Variants in VAC14 observed in about 807,000 individuals in gnomAD.
VAC14 encodes the protein VAC14 component of PIKFYVE complex, also known as protein VAC14 homolog.
Under a neutral mutation model 85.3 loss-of-function variants are expected in VAC14, and 47 were observed. The ratio of observed to expected loss-of-function variants is 0.55; its 90% confidence interval spans 0.44 to 0.70. The LOEUF (loss-of-function observed/expected upper bound fraction) is 0.70. VAC14 is among the 30% of genes least tolerant of loss of function. The pLI is 0.00. For synonymous variants in VAC14, 447 were observed against 430.5 expected, an observed-to-expected ratio of 1.04 and a Z score of -0.47; for missense variants, 861 against 1,004.3, an observed-to-expected ratio of 0.86 and a Z score of 1.93.
intron 1 of VAC14, among the ~76,000 whole-genome samples, chr16:70,799,194 G>A (rs1206729494): frequency 6.6e-6 from 1 of 152,184 alleles, no homozygotes; most frequent in African/African-American, 2.4e-5. Context: ...ACAAAACTAG[G>A]TGTCAAGGCA....
chr16:70,689,923 G>C, intron 18 of VAC14: 1 of 985,512 alleles, frequency 1.0e-6, no homozygotes, highest in Non-Finnish European at 1.2e-6. Flanking sequence ...CCAGGGTGTG[G>C]CCAGACGCTC....
At chr16:70,784,980 C>T in intron 3 of VAC14, 142 bp from the exon 4 acceptor site, 1 of 764,062 alleles carries the variant, frequency 1.3e-6, no homozygotes, top group South Asian at 1.5e-5. Context: ...TCGGTGAACA[C>T]ATTTGAGAAA....
intron 12 of VAC14, among the ~76,000 whole-genome samples, chr16:70,750,425 C>T (rs1322740914): frequency 6.6e-6 from 1 of 152,112 alleles, no homozygotes; most frequent in African/African-American, 2.4e-5. Flanking sequence ...AGCAGGAGCG[C>T]CTGCCGTTAC....
chr16:70,740,015 C>T (rs949124753), intron 13 of VAC14, among the ~76,000 whole-genome samples: 5 of 152,074 alleles, frequency 3.3e-5, no homozygotes, highest in Admixed American at 1.3e-4. Flanking sequence ...GGCTAGTGTG[C>T]AGTGGTGTGA....
chr16:70,791,087 T>C (rs2034316663), intron 1 of VAC14, among the ~76,000 whole-genome samples: 1 of 152,192 alleles, frequency 6.6e-6, no homozygotes, highest in African/African-American at 2.4e-5. Flanking sequence ...CTCTGCAGCC[T>C]TCCTGCTGGG....
intron 14 of VAC14, among the ~76,000 whole-genome samples, chr16:70,721,869 C>T (rs1177512678): frequency 1.3e-5 from 2 of 152,052 alleles, no homozygotes; most frequent in Non-Finnish European, 2.9e-5. Flanking sequence ...TCATGGCAGG[C>T]GTGTCCCCCC....
chr16:70,729,832 G>GAATC (rs2143001315), intron 14 of VAC14, among the ~76,000 whole-genome samples: 1 of 152,192 alleles, frequency 6.6e-6, no homozygotes, highest in South Asian at 2.1e-4. Context: ...TCTGTTGAAT[G>GAATC]AATGAATGAA....
intron 2 of VAC14, 27 bp downstream of exon 2, chr16:70,786,188 T>C: frequency 6.2e-7 from 1 of 1,611,192 alleles, no homozygotes; most frequent in Non-Finnish European, 8.5e-7. Context: ...AGGACTGGTA[T>C]GTCTGTCCCT....
At chr16:70,691,110 G>A (rs535428675) in intron 18 of VAC14, 74 of 985,376 alleles carry the variant, frequency 7.5e-5, no homozygotes, top group East Asian at 1.1e-4. Context: ...CTGACTGACC[G>A]TGGGAGATTC....
At chr16:70,722,591 G>A (rs943384852) in intron 14 of VAC14, among the ~76,000 whole-genome samples, 9 of 152,056 alleles carry the variant, frequency 5.9e-5, no homozygotes, top group African/African-American at 1.9e-4. Context: ...AAAGGACACC[G>A]GGACAAGAGA....
intron 1 of VAC14, among the ~76,000 whole-genome samples, chr16:70,795,932 G>A (rs561514230): frequency 2.0e-5 from 3 of 152,296 alleles, no homozygotes; most frequent in African/African-American, 7.2e-5. Context: ...CTGGCAGAGC[G>A]AGCACCCACC....
Position 70,799,999 on chromosome 16 carries a change from G to A in VAC14, c.104+798C>T, listed in dbSNP as rs1413356264. On this transcript the variant is annotated intron_variant, in intron 1 of 18. Transcript: ENST00000261776. ...AACAGAAATACAATTCACCTTTTCT[G>A]ACTCGCAGACTGGTATTCTTCCAGT... 3.3e-5 allele frequency among the ~76,000 whole-genome samples: 5 copies of A among 152,152 alleles called. No homozygotes were observed. In the East Asian group the frequency reaches 9.6e-4, roughly 29 times the overall value.
intron 9 of VAC14, among the ~76,000 whole-genome samples, chr16:70,777,255 A>G (rs1407542307): frequency 6.6e-6 from 1 of 152,238 alleles, no homozygotes; most frequent in Non-Finnish European, 1.5e-5. Context: ...ATAAACATGT[A>G]TTAAAACAAC....
At chr16:70,786,735 G>C (rs1051025591) in intron 1 of VAC14, among the ~76,000 whole-genome samples, 2 of 152,222 alleles carry the variant, frequency 1.3e-5, no homozygotes, top group Non-Finnish European at 2.9e-5. Flanking sequence ...CTCCGCGTCT[G>C]AGCGACTATT....
Position 70,688,024 on chromosome 16 carries a change from C to G in VAC14, c.2253G>C (p.Leu751=). ...ADSPSIDYAE[L]LQHFEKVQNK... The stretch of plus-strand genomic sequence containing the variant: ...TCTGGACCTTCTCAAAGTGCTGCAG[C>G]AGCTCTGCGTAGTCGATGCTAGGGG... The change falls in exon 19 of 19, where the codon CTG becomes CTC. Residue 751 remains leucine (L), a synonymous_variant. Transcript: ENST00000261776. 1 of 1,606,878 alleles carries G rather than the reference C, an allele frequency of 6.2e-7. No individual in the cohort carries two copies. The highest frequency in any genetic ancestry group is 8.5e-7 in the Non-Finnish European group (1 of 1,175,846).
chr16:70,744,718 C>T, intron 12 of VAC14, 139 bp from the exon 13 acceptor site: 1 of 995,566 alleles, frequency 1.0e-6, no homozygotes, highest in South Asian at 1.8e-5. Context: ...GGAAGAGCCA[C>T]TAAGGCCACA....
chr16:70,766,638 T>C, intron 10 of VAC14: 1 of 395,252 alleles, frequency 2.5e-6, no homozygotes, highest in Non-Finnish European at 5.1e-6. Flanking sequence ...TGAGGCCATG[T>C]ACCAAGCAGT....
In VAC14 at chr16:70,734,830, A is replaced by C. The variant is rs544997005; in HGVS notation, c.1529-3203T>G. Among the ~76,000 whole-genome samples the C allele has an allele frequency of 8.5e-5, 13 of 152,202 alleles. 1 individual carries two copies. The East Asian group carries it at 9.7e-4, about 11-fold the overall frequency. ...AAACACTTGAAAAATATGCACCATTACCATTCCCATTATATACACAGAGGA... is the reference window on the plus strand; with the variant it reads ...AAACACTTGAAAAATATGCACCATTCCCATTCCCATTATATACACAGAGGA... On this transcript the variant is annotated intron_variant, in intron 13 of 18. Transcript: ENST00000261776.
chr16:70,705,609 TAGAA>T lies in VAC14; in HGVS notation c.1662-6802_1662-6799del, dbSNP rs1317087412. On this transcript the variant is annotated intron_variant, in intron 14 of 18. Transcript: ENST00000261776. ...GGGGACAGACCCTGGACTCAAACCC[TAGAA>T]AGAGACAGCAAGGTTGAGAGATGAG... 2.6e-5 allele frequency among the ~76,000 whole-genome samples: 4 copies of T among 152,148 alleles called. No homozygotes were observed. In the East Asian group the frequency reaches 7.7e-4, roughly 29 times the overall value.
Sources: gnomAD v4.1 joint callset for allele counts (sites outside exome capture counted in the v4.1 genomes callset) on GRCh38, gnomAD v4.1.1 for gene constraint, MANE v1.5 for transcripts, NCBI Gene and HGNC (gene_info 2026-07-23, HGNC 2026-07-21) for gene names.